TMC5: variants seen among roughly 807,000 people sequenced by gnomAD.
The protein encoded by TMC5 is transmembrane channel-like protein 5.
Under a neutral mutation model 110.5 loss-of-function variants are expected in TMC5, and 86 were observed. The observed-to-expected ratio is 0.78, with a 90% CI of 0.65 to 0.93. The LOEUF (loss-of-function observed/expected upper bound fraction) is 0.93, where lower values mean the gene tolerates loss of function less well. TMC5 is among the 40% of genes least tolerant of loss of function. The pLI, the probability that TMC5 is intolerant of heterozygous loss-of-function variation, is 0.00. For missense variants in TMC5, 1,144 were observed against 1,222.8 expected (o/e 0.94, Z 0.96); for synonymous variants, 455 against 439.5 (o/e 1.04, Z -0.44).
intron 18 of TMC5, among the ~76,000 whole-genome samples, chr16:19,491,647 T>C (rs1968909905): frequency 6.6e-6 from 1 of 150,782 alleles, no homozygotes; most frequent in Non-Finnish European, 1.5e-5. Flanking sequence ...GCCATTCTCC[T>C]GCCTCAGCCT....
At chr16:19,471,357 C>G (rs1042701965) in intron 10 of TMC5, among the ~76,000 whole-genome samples, 34 of 152,210 alleles carry the variant, frequency 2.2e-4, no homozygotes, top group African/African-American at 7.9e-4. Context: ...TCCCAACATG[C>G]TGGAAATTCA....
At chr16:19,422,931 G>C (rs1178124624) in intron 1 of TMC5, among the ~76,000 whole-genome samples, 2 of 152,144 alleles carry the variant, frequency 1.3e-5, no homozygotes, top group African/African-American at 4.8e-5. Context: ...CTGGGCCACA[G>C]AGCGAGACTC....
At chr16:19,486,840 A>G (rs975957936) in intron 15 of TMC5, 105 bp from the exon 16 acceptor site, 6 of 1,000,720 alleles carry the variant, frequency 6.0e-6, no homozygotes, top group Admixed American at 2.0e-5. Context: ...GGGACACACA[A>G]TCCAGGCCAC....
In TMC5 at chr16:19,486,967, C is replaced by T. The variant is rs1968759019; in HGVS notation, c.2386C>T (p.Leu796=). The T allele has an allele frequency of 6.2e-7, 1 of 1,614,148 alleles. No individual in the cohort carries two copies. Among genetic ancestry groups the T allele is most frequent in the Admixed American group, 1.7e-5 (1 of 60,024 alleles). The change falls in exon 16 of 22, where the codon CTG becomes TTG. Residue 796 remains leucine, a synonymous_variant. Coordinates refer to ENST00000542583, the MANE Select transcript of TMC5 (RefSeq NM_001261841.2). ...LVWIGIFFCP[L]LPFIQMIMLF... is the part of the protein sequence containing the mutation. ...CAGGATTGGCATCTTCTTCTGCCCCCTGCTGCCCTTTATCCAAATGATTAT... is the reference window on the plus strand; with the variant it reads ...CAGGATTGGCATCTTCTTCTGCCCCTTGCTGCCCTTTATCCAAATGATTAT...
Position 19,462,491 on chromosome 16 carries a change from T to G in TMC5, c.1149-789T>G, listed in dbSNP as rs528086722. The G allele has an allele frequency of 1.2e-4, 83 of 701,330 alleles. No homozygotes were observed. In the African/African-American group the frequency reaches 1.4e-3, roughly 12 times the overall value. The allele number at this position is 701,330 out of a possible 1,614,324, so 43.4% of individuals were successfully genotyped here. ...AAGGAAAGAGGTTTAATGGACTCAC[T>G]GTTCCACACAGCAGGGGAGGCCTCA... is the stretch of plus-strand genomic sequence containing the variant. On this transcript the variant is annotated intron_variant, in intron 6 of 21. Coordinates refer to ENST00000542583, the MANE Select transcript of TMC5 (RefSeq NM_001261841.2).
intron 4 of TMC5, among the ~76,000 whole-genome samples, chr16:19,447,606 C>G (rs78824084): frequency 0.07 from 10,658 of 152,068 alleles, 757 homozygotes; most frequent in African/African-American, 0.19. Context: ...ATTTTTCAGA[C>G]AAAATGCCCG....
At chr16:19,447,571 T>C (rs1967642026) in intron 4 of TMC5, among the ~76,000 whole-genome samples, 1 of 152,186 alleles carries the variant, frequency 6.6e-6, no homozygotes, top group Non-Finnish European at 1.5e-5. Flanking sequence ...GTGAAGGTCC[T>C]ATTATTATCC....
At chr16:19,466,352 C>CTCTTT (rs1968189628) in intron 9 of TMC5, 119 bp downstream of exon 9, 2 of 1,059,976 alleles carry the variant, frequency 1.9e-6, no homozygotes, top group East Asian at 2.6e-5. Flanking sequence ...CTCCTCTCCT[C>CTCTTT]TCTTTTCTTT....
Position 19,435,254 on chromosome 16 carries a change from C to T in TMC5, c.-80+4614C>T, listed in dbSNP as rs569892624. On this transcript the variant is annotated intron_variant, in intron 2 of 21. Coordinates refer to ENST00000542583, the MANE Select transcript of TMC5 (RefSeq NM_001261841.2). Reference sequence around the variant, plus strand: ...CACCTGTAATCCCAGCACTTTGGGACGCCAAGGCGGGTGGATCATGAGGTC... The same window carrying T: ...CACCTGTAATCCCAGCACTTTGGGATGCCAAGGCGGGTGGATCATGAGGTC... Among the ~76,000 whole-genome samples the T allele has an allele frequency of 4.5e-3, 686 of 151,162 alleles. 4 individuals are homozygous for T. The highest frequency in any genetic ancestry group is 6.5e-3 in the Non-Finnish European group (443 of 67,862).
chr16:19,440,923 T>C, intron 3 of TMC5, 97 bp downstream of exon 3: 1 of 1,249,114 alleles, frequency 8.0e-7, no homozygotes, highest in Non-Finnish European at 1.1e-6. Context: ...ATTAGGGATA[T>C]ATATGACGGT....
chr16:19,434,055 A>C (rs58012530), intron 2 of TMC5, among the ~76,000 whole-genome samples: 9 of 3,830 alleles, frequency 2.3e-3, no homozygotes, highest in African/African-American at 0.023. Context: ...AATATATATA[A>C]TATAAATCTA....
intron 5 of TMC5, among the ~76,000 whole-genome samples, chr16:19,455,925 C>T (rs1397263274): frequency 6.6e-6 from 1 of 152,066 alleles, no homozygotes. Context: ...AATATAAGTT[C>T]AGCCAGGTGC....
At chr16:19,411,799 T>C (rs1597148882) in intron 1 of TMC5, 2 of 152,328 alleles carry the variant, frequency 1.3e-5, no homozygotes, top group Admixed American at 6.5e-5. Context: ...TAAATACTTG[T>C]TGAATGAATA....
chr16:19,422,932 A>G (rs1457231840), intron 1 of TMC5, among the ~76,000 whole-genome samples: 1 of 152,160 alleles, frequency 6.6e-6, no homozygotes, highest in Non-Finnish European at 1.5e-5. Flanking sequence ...TGGGCCACAG[A>G]GCGAGACTCA....
chr16:19,452,152 T>C (rs1967764024), intron 5 of TMC5, among the ~76,000 whole-genome samples: 1 of 152,158 alleles, frequency 6.6e-6, no homozygotes. Context: ...CCTCCTCCTT[T>C]GGTTTGGTTA....
chr16:19,415,839 T>C (rs1021583883), upstream of TMC5, among the ~76,000 whole-genome samples: 1 of 152,086 alleles, frequency 6.6e-6, no homozygotes, highest in Admixed American at 6.6e-5. Flanking sequence ...CAGGAGAAAA[T>C]TCCATTTCTC....
intron 20 of TMC5, among the ~76,000 whole-genome samples, chr16:19,496,723 AAAAAT>A (rs1969061886): frequency 1.3e-5 from 2 of 151,460 alleles, no homozygotes; most frequent in African/African-American, 2.4e-5. Flanking sequence ...TGTCTCTACT[AAAAAT>A]AAAAAAAAAA....
At chr16:19,463,036 A>T (rs1282393869) in intron 6 of TMC5, among the ~76,000 whole-genome samples, 1 of 152,058 alleles carries the variant, frequency 6.6e-6, no homozygotes, top group Non-Finnish European at 1.5e-5. Flanking sequence ...CAGCCTCTGG[A>T]GTAGCTGGGA....
chr16:19,471,075 G>A (rs1283680006), intron 10 of TMC5, among the ~76,000 whole-genome samples: 1 of 149,386 alleles, frequency 6.7e-6, no homozygotes, highest in African/African-American at 2.5e-5. Context: ...TATAAATAAA[G>A]GGGCTTTAAA....
Sources: gnomAD v4.1 joint callset for allele counts (sites outside exome capture counted in the v4.1 genomes callset) on GRCh38, gnomAD v4.1.1 for gene constraint, MANE v1.5 for transcripts, NCBI Gene and HGNC (gene_info 2026-07-23, HGNC 2026-07-21) for gene names.